PSEN2: variants seen among roughly 807,000 people sequenced by gnomAD.
PSEN2 encodes presenilin-2.
In PSEN2, 32 loss-of-function variants were observed where a neutral mutation model predicts 49.1. The ratio of observed to expected loss-of-function variants is 0.65; its 90% CI spans 0.49 to 0.88. PSEN2 has a LOEUF of 0.88. PSEN2 is among the 40% of genes least tolerant of loss of function. The probability of loss-of-function intolerance (pLI) is 0.00; values close to 1 mark genes in which losing one functional copy is unlikely to be tolerated. For synonymous variants in PSEN2, 255 were observed against 244.0 expected (o/e 1.05, Z -0.42); for missense variants, 522 against 586.9 (o/e 0.89, Z 1.14).
In PSEN2 at chr1:226,890,025, G is replaced by C; in HGVS notation, c.788-10G>C. 6.2e-7 allele frequency: 1 copy of C among 1,608,120 alleles called. No homozygotes were observed. The highest frequency in any genetic ancestry group is 8.5e-7 in the Non-Finnish European group (1 of 1,174,488). ...GGGATAGTTTGACAAGGATGTCTCT[G>C]TCTTCCTAGATCTCGTGGCTGTGCT... On this transcript the variant is annotated splice_polypyrimidine_tract_variant and intron_variant, in intron 8 of 12. Coordinates refer to ENST00000366783, the MANE Select transcript of PSEN2 (RefSeq NM_000447.3).
Position 226,890,936 on chromosome 1 carries a change from C to T in PSEN2, c.887-342C>T, listed in dbSNP as rs139250934. 96 of 332,954 alleles carry T rather than the reference C, an allele frequency of 2.9e-4. No individual in the cohort carries two copies. In the East Asian group the frequency reaches 5.5e-3, roughly 19 times the overall value. The allele number at this position is 332,954 out of a possible 1,614,324, so 20.6% of individuals were successfully genotyped here. ...GGGAAAGCACATTCCAGGCGCATTCCGAGGATGAGCGGAGACCATGTATGG... is the reference window on the plus strand; with the variant it reads ...GGGAAAGCACATTCCAGGCGCATTCTGAGGATGAGCGGAGACCATGTATGG... On this transcript the variant is annotated intron_variant, in intron 9 of 12. Coordinates refer to ENST00000366783, the MANE Select transcript of PSEN2 (RefSeq NM_000447.3).
intron 12 of PSEN2, among the ~76,000 whole-genome samples, chr1:226,894,668 C>T (rs1023246010): frequency 7.2e-5 from 11 of 152,310 alleles, no homozygotes; most frequent in Admixed American, 2.0e-4. Context: ...AATGGGGAGA[C>T]GTCCTGCCGT....
intron 2 of PSEN2, among the ~76,000 whole-genome samples, chr1:226,872,227 G>C (rs537128144): frequency 3.9e-5 from 6 of 152,218 alleles, no homozygotes; most frequent in African/African-American, 1.4e-4. Context: ...AGGGGGGTTT[G>C]CCTCTTGCCT....
rs531732284 is a variant in PSEN2, at chr1:226,872,465, A to G, written c.-207+1061A>G. On this transcript the variant is annotated intron_variant, in intron 2 of 12. Coordinates refer to ENST00000366783, the MANE Select transcript of PSEN2 (RefSeq NM_000447.3). The stretch of plus-strand genomic sequence containing the variant: ...CAGTGCTTTAAGCACCAGGATTTGA[A>G]CATAGCTGGCTACACTGTCTTTATC... Among the ~76,000 whole-genome samples, 8 of 152,344 alleles carry G rather than the reference A, an allele frequency of 5.3e-5. No individual in the cohort carries two copies. In the South Asian group the frequency reaches 1.7e-3, roughly 32 times the overall value.
intron 3 of PSEN2, chr1:226,880,746 G>A (rs887993147): frequency 4.3e-6 from 7 of 1,610,750 alleles, no homozygotes; most frequent in Non-Finnish European, 5.1e-6. Flanking sequence ...CCCCCACTTG[G>A]TACTACTGTG....
intron 11 of PSEN2, among the ~76,000 whole-genome samples, chr1:226,893,536 ACTAATTCCCAGTTATATTTAC>A (rs1217067857): frequency 7.2e-5 from 11 of 152,222 alleles, no homozygotes; most frequent in African/African-American, 2.7e-4. Flanking sequence ...TAATGGGTAG[ACTAATTCCCAGTTATATTTAC>A]CTGTTGTAAG....
At chr1:226,882,161 ATGAGGAT>A in intron 4 of PSEN2, 113 bp downstream of exon 4, 1 of 1,444,420 alleles carries the variant, frequency 6.9e-7, no homozygotes, top group Middle Eastern at 2.5e-4. Context: ...GGAAGTAATG[ATGAGGAT>A]TGGCCGAAAA....
chr1:226,901,035 G>A (rs148545130), downstream of PSEN2, among the ~76,000 whole-genome samples: 2 of 152,292 alleles, frequency 1.3e-5, no homozygotes, highest in East Asian at 1.9e-4. Context: ...TAAGCCCACG[G>A]TATGTGGTTT....
intron 3 of PSEN2, among the ~76,000 whole-genome samples, chr1:226,879,642 C>G (rs1233906583): frequency 6.6e-6 from 1 of 152,208 alleles, no homozygotes; most frequent in Admixed American, 6.5e-5. Context: ...AATGAGCCCC[C>G]TCCTCCAAAC....
intron 2 of PSEN2, among the ~76,000 whole-genome samples, chr1:226,872,110 G>A (rs1660337583): frequency 1.3e-5 from 2 of 152,214 alleles, no homozygotes; most frequent in Non-Finnish European, 2.9e-5. Flanking sequence ...TGAAAGAGCA[G>A]CAAGGAGGAG....
Position 226,881,996 on chromosome 1 carries a change from C to T in PSEN2, c.89C>T (p.Ser30Phe), listed in dbSNP as rs200037771. 19 of 1,613,962 alleles carry T rather than the reference C, an allele frequency of 1.2e-5. No homozygotes were observed. The highest frequency in any genetic ancestry group is 1.5e-5 in the Non-Finnish European group (18 of 1,180,000). The change falls in exon 4 of 13, where the codon TCC becomes TTC. Residue 30 changes from serine (S) to phenylalanine (F), a missense_variant. Transcript: ENST00000366783. ...TCGGCTGAGAGCCCCACGCCGCGCTCCTGCCAGGAGGGCAGGCAGGGCCCA... is the reference window on the plus strand; with the variant it reads ...TCGGCTGAGAGCCCCACGCCGCGCTTCTGCCAGGAGGGCAGGCAGGGCCCA... ...LMSAESPTPR[S>F]CQEGRQGPED...
chr1:226,895,893 T>C lies in PSEN2; in HGVS notation c.*314T>C. ...CATGAGGGCTGAGATGCGCAAAGAG[T>C]GTGCTCGGGAGTGGCCCCTGGCACC... On this transcript the variant is annotated 3_prime_UTR_variant, in exon 13 of 13. Coordinates refer to ENST00000366783, the MANE Select transcript of PSEN2 (RefSeq NM_000447.3). 2.2e-6 allele frequency: 1 copy of C among 448,060 alleles called. No individual in the cohort carries two copies. Among genetic ancestry groups the C allele is most frequent in the Non-Finnish European group, 4.1e-6 (1 of 242,484 alleles). The allele number at this position is 448,060 out of a possible 1,614,324, so 27.8% of individuals were successfully genotyped here.
downstream of PSEN2, chr1:226,898,607 C>T (rs1662224745): frequency 6.6e-6 from 1 of 152,114 alleles, no homozygotes; most frequent in African/African-American, 2.4e-5. Context: ...AAGGTTCCTT[C>T]TCTGTTCATT....
rs148774430 is a variant in PSEN2 at position 226,880,437 on chromosome 1, C to G, written c.-20-1451C>G. 68 of 1,273,200 alleles carry G rather than the reference C, an allele frequency of 5.3e-5. No homozygotes were observed. In the Middle Eastern group the frequency reaches 8.5e-4, roughly 16 times the overall value. 78.9% of individuals were successfully genotyped at this position (1,273,200 alleles called of 1,614,324 possible). On this transcript the variant is annotated intron_variant, in intron 3 of 12. Transcript: ENST00000366783. ...GGTGACTTACTTGGAGACGAACTTT[C>G]AGCAGAGCGCACACCTGCTATCCCT...
intron 2 of PSEN2, among the ~76,000 whole-genome samples, chr1:226,873,342 G>T (rs979938977): frequency 6.6e-6 from 1 of 152,162 alleles, no homozygotes; most frequent in Non-Finnish European, 1.5e-5. Flanking sequence ...CCACCATTCT[G>T]CTGTACCTTA....
At chr1:226,881,783 G>T (rs1177773815) in intron 3 of PSEN2, 105 bp from the exon 4 acceptor site, 1 of 1,257,744 alleles carries the variant, frequency 8.0e-7, no homozygotes, top group African/African-American at 1.5e-5. Context: ...TTTTGGGGCA[G>T]GACTTGTGTC....
Position 226,881,987 on chromosome 1 carries a change from C to A in PSEN2, c.80C>A (p.Thr27Lys), listed in dbSNP as rs149354305. Residue 27 changes from threonine (T) to lysine (K), a missense_variant, in exon 4 of 13, where the codon ACG (threonine) becomes AAG (lysine). By Grantham distance (78) the Thr-to-Lys change is moderately conservative. Transcript: ENST00000366783. ...TCCCTAATGTCGGCTGAGAGCCCCA[C>A]GCCGCGCTCCTGCCAGGAGGGCAGG... ...RTSLMSAESP[T>K]PRSCQEGRQG... 1 of 1,613,960 alleles carries A rather than the reference C, an allele frequency of 6.2e-7. No individual in the cohort carries two copies. The highest frequency in any genetic ancestry group is 1.3e-5 in the African/African-American group (1 of 74,932).
chr1:226,901,239 C>T (rs1662310202), downstream of PSEN2, among the ~76,000 whole-genome samples: 1 of 152,028 alleles, frequency 6.6e-6, no homozygotes, highest in Non-Finnish European at 1.5e-5. Context: ...AGTTCGAGAC[C>T]AGCCTGGCCG....
chr1:226,899,134 AT>A (rs1662236764), downstream of PSEN2: 1 of 152,092 alleles, frequency 6.6e-6, no homozygotes, highest in African/African-American at 2.4e-5. Flanking sequence ...TGTTAATGTT[AT>A]TAAATCTATC....
Sources: gnomAD v4.1 joint callset for allele counts (sites outside exome capture counted in the v4.1 genomes callset) on GRCh38, gnomAD v4.1.1 for gene constraint, MANE v1.5 for transcripts, NCBI Gene and HGNC (gene_info 2026-07-23, HGNC 2026-07-21) for gene names.